Variants in STK39 observed in about 807,000 individuals in gnomAD.
The protein encoded by STK39 is STE20/SPS1-related proline-alanine-rich protein kinase.
A neutral mutation model predicts 77.8 loss-of-function variants in STK39; 20 were observed. That is an observed-to-expected ratio of 0.26 (90% CI 0.18 to 0.37). The LOEUF (loss-of-function observed/expected upper bound fraction) is 0.37, where lower values mean the gene tolerates loss of function less well. Among genes scored for constraint, STK39 ranks in the 10% least tolerant of loss-of-function variants. The probability of loss-of-function intolerance (pLI) is 1.00; values close to 1 mark genes in which losing one functional copy is unlikely to be tolerated. For missense variants in STK39, 479 were observed against 656.5 expected, an observed-to-expected ratio of 0.73 and a Z score of 2.95; for synonymous variants, 246 against 234.1, an observed-to-expected ratio of 1.05 and a Z score of -0.47.
At chr2:168,142,609 AAGTT>A (rs1688011901) in intron 5 of STK39, among the ~76,000 whole-genome samples, 2 of 152,334 alleles carry the variant, frequency 1.3e-5, no homozygotes, top group African/African-American at 4.8e-5. Flanking sequence ...ACATTTTAAA[AAGTT>A]AGAAAACAGC....
At chr2:168,146,492 G>T (rs921060636) in intron 5 of STK39, among the ~76,000 whole-genome samples, 1 of 152,318 alleles carries the variant, frequency 6.6e-6, no homozygotes, top group Non-Finnish European at 1.5e-5. Context: ...TGCCTAAGTG[G>T]CTGGGTGGGA....
At chr2:168,228,732 T>C (rs1464886034) in intron 1 of STK39, among the ~76,000 whole-genome samples, 1 of 152,120 alleles carries the variant, frequency 6.6e-6, no homozygotes, top group Non-Finnish European at 1.5e-5. Context: ...GAGGTTGCAG[T>C]GAGCCGAGAT....
At chr2:168,050,180 A>G (rs1034687353) in intron 14 of STK39, among the ~76,000 whole-genome samples, 1 of 152,226 alleles carries the variant, frequency 6.6e-6, no homozygotes, top group African/African-American at 2.4e-5. Context: ...CAAGCTCATG[A>G]AAGTTCACTG....
At chr2:168,088,541 T>C (rs971424326) in intron 10 of STK39, among the ~76,000 whole-genome samples, 4 of 152,124 alleles carry the variant, frequency 2.6e-5, no homozygotes, top group African/African-American at 9.7e-5. Flanking sequence ...AGAGTGTGAG[T>C]TTCAAATAGA....
chr2:168,220,992 G>C (rs960312429), intron 1 of STK39, among the ~76,000 whole-genome samples: 12 of 152,016 alleles, frequency 7.9e-5, no homozygotes, highest in African/African-American at 2.7e-4. Flanking sequence ...GATTCCTCTT[G>C]TTTCCTGGGT....
At chr2:168,163,914 C>T in intron 3 of STK39, 34 bp from the exon 4 acceptor site, 2 of 1,598,632 alleles carry the variant, frequency 1.3e-6, no homozygotes, top group African/African-American at 2.7e-5. Context: ...AAAACATAAG[C>T]ACCTTCATCA....
chr2:167,970,966 T>C (rs1231384639), intron 16 of STK39, among the ~76,000 whole-genome samples: 2 of 152,228 alleles, frequency 1.3e-5, no homozygotes, highest in African/African-American at 4.8e-5. Flanking sequence ...CTGCCCAATT[T>C]GTGAATCATT....
rs67590818 is a variant in STK39 at position 168,005,416 on chromosome 2, GAA to G, written c.1498+7216_1498+7217del. 2.5e-3 allele frequency among the ~76,000 whole-genome samples: 361 copies of G among 144,672 alleles called. 1 individual carries two copies. The highest frequency in any genetic ancestry group is 8.4e-3 in the African/African-American group (335 of 39,926). 94.9% of individuals were successfully genotyped at this position (144,672 alleles called of 152,430 possible). A position where few individuals can be genotyped will look rare whatever the true frequency, so the allele number is the denominator to read the frequency against. ...AAGGAACGTGGGAAAACGCAGAGAG[GAA>G]AAAAAAAAAAATCAATCATAGTGAA... On this transcript the variant is annotated intron_variant, in intron 16 of 17. Transcript: ENST00000355999.
At chr2:168,094,144 G>C (rs938137960) in intron 10 of STK39, among the ~76,000 whole-genome samples, 4 of 152,240 alleles carry the variant, frequency 2.6e-5, no homozygotes, top group African/African-American at 9.6e-5. Flanking sequence ...ATGCTCAGTG[G>C]TTGTTTCCAG....
intron 10 of STK39, among the ~76,000 whole-genome samples, chr2:168,081,466 A>AC (rs1394265432): frequency 6.6e-6 from 1 of 151,974 alleles, no homozygotes; most frequent in African/African-American, 2.4e-5. Flanking sequence ...CAATTCCTGT[A>AC]CCCCCACTGT....
chr2:168,133,779 A>G (rs989060859), intron 8 of STK39, among the ~76,000 whole-genome samples: 9 of 151,732 alleles, frequency 5.9e-5, no homozygotes, highest in African/African-American at 1.7e-4. Flanking sequence ...AATCACTTGA[A>G]CCCAGGAGGC....
chr2:168,145,606 T>C (rs555830864), intron 5 of STK39, among the ~76,000 whole-genome samples: 1 of 152,274 alleles, frequency 6.6e-6, no homozygotes, highest in African/African-American at 2.4e-5. Flanking sequence ...AAAAGCGATT[T>C]CTCCTGCCTA....
At chr2:168,034,682 C>T (rs1219253941) in intron 14 of STK39, among the ~76,000 whole-genome samples, 1 of 152,204 alleles carries the variant, frequency 6.6e-6, no homozygotes, top group Non-Finnish European at 1.5e-5. Flanking sequence ...TGGCTCTCAT[C>T]ATTGCTGTTA....
intron 10 of STK39, among the ~76,000 whole-genome samples, chr2:168,111,974 C>T (rs1231302237): frequency 6.6e-6 from 1 of 152,194 alleles, no homozygotes; most frequent in Non-Finnish European, 1.5e-5. Flanking sequence ...TTTTACCTGA[C>T]CTACAACTAC....
In STK39 at chr2:168,042,626, G is replaced by A. The variant is rs186537958; in HGVS notation, c.1376+20874C>T. Among the ~76,000 whole-genome samples, 21 of 148,378 alleles carry A rather than the reference G, an allele frequency of 1.4e-4. No homozygotes were observed. In the East Asian group the frequency reaches 2.8e-3, roughly 20 times the overall value. On this transcript the variant is annotated intron_variant, in intron 14 of 17. Transcript: ENST00000355999. Reference sequence around the variant, plus strand: ...GATGGAGTCTCGCTCTGTCACCCAGGCTAGATTGCAGTGGCATGATCTTGG... The same window carrying A: ...GATGGAGTCTCGCTCTGTCACCCAGACTAGATTGCAGTGGCATGATCTTGG...
At chr2:168,065,074 T>C (rs1454611173) in intron 13 of STK39, among the ~76,000 whole-genome samples, 6 of 152,186 alleles carry the variant, frequency 3.9e-5, no homozygotes, top group Admixed American at 3.9e-4. Context: ...TCTTTCCTTT[T>C]CTTCTTTTCC....
intron 14 of STK39, among the ~76,000 whole-genome samples, chr2:168,042,577 C>CTTT (rs540413448): frequency 1.6e-4 from 21 of 133,028 alleles, no homozygotes; most frequent in Non-Finnish European, 1.4e-4. Context: ...TTCCTTCCTT[C>CTTT]TTTTTTTTTT....
intron 12 of STK39, among the ~76,000 whole-genome samples, chr2:168,065,886 T>C (rs1338223769): frequency 6.6e-6 from 1 of 152,192 alleles, no homozygotes; most frequent in Non-Finnish European, 1.5e-5. Context: ...TTTTAAAAGA[T>C]ATTAATGCTA....
intron 14 of STK39, among the ~76,000 whole-genome samples, chr2:168,056,622 G>A (rs1685534287): frequency 6.6e-6 from 1 of 152,174 alleles, no homozygotes; most frequent in Non-Finnish European, 1.5e-5. Flanking sequence ...GCATCACATT[G>A]AGGAGTGATT....
Sources: allele counts gnomAD v4.1 joint callset (sites outside exome capture counted in the v4.1 genomes callset), GRCh38; gene constraint gnomAD v4.1.1; transcripts MANE v1.5; gene names NCBI Gene and HGNC (gene_info 2026-07-23, HGNC 2026-07-21).